Variants in MARCHF1 observed in about 807,000 individuals in gnomAD.
MARCHF1 encodes the protein E3 ubiquitin-protein ligase MARCHF1.
MARCHF1 carries 40 observed loss-of-function variants against 54.2 expected under a neutral mutation model. The ratio of observed to expected loss-of-function variants is 0.74; its 90% CI spans 0.57 to 0.96. MARCHF1 has a LOEUF of 0.96. MARCHF1 is among the 40% of genes least tolerant of loss of function. MARCHF1 has a pLI of 0.00. For missense variants in MARCHF1, 586 were observed against 656.5 expected (o/e 0.89, Z 1.17); for synonymous variants, 236 against 236.3 (o/e 1.00, Z 0.01).
chr4:164,325,009 A>G (rs1237118164), intron 1 of MARCHF1, among the ~76,000 whole-genome samples: 3 of 152,016 alleles, frequency 2.0e-5, no homozygotes, highest in African/African-American at 7.2e-5. Context: ...TAAAGGAAAA[A>G]AAGAATATCG....
intron 4 of MARCHF1, among the ~76,000 whole-genome samples, chr4:163,804,969 T>C (rs181955235): frequency 2.6e-5 from 4 of 152,324 alleles, no homozygotes; most frequent in East Asian, 1.9e-4. Flanking sequence ...AATAAAGTTA[T>C]GTACTCCTAA....
At position 163,789,473 on chromosome 4, in the gene MARCHF1, C is replaced by G. The variant is rs182510094; in HGVS notation, c.111+64548G>C. Among the ~76,000 whole-genome samples the G allele has an allele frequency of 3.8e-4, 57 of 151,954 alleles. No individual in the cohort carries two copies. In the East Asian group the frequency reaches 0.011, roughly 29 times the overall value. Reference sequence around the variant, plus strand: ...GACACACATTTACCTATGTAACAACCTGCACTTGCACCCCTGAACTTAAAA... The same window carrying G: ...GACACACATTTACCTATGTAACAACGTGCACTTGCACCCCTGAACTTAAAA... On this transcript the variant is annotated intron_variant, in intron 4 of 9. Coordinates refer to ENST00000514618, the MANE Select transcript of MARCHF1 (RefSeq NM_001394959.1).
rs543516118 is a variant in MARCHF1, at chr4:164,077,938, G to A, written c.-248+33650C>T. ...ATACTTTTACACTGTTGGTGGGAGT[G>A]TAAAGTAGTTCAACCATTGTGGAAG... On this transcript the variant is annotated intron_variant, in intron 2 of 9. Coordinates refer to ENST00000514618, the MANE Select transcript of MARCHF1 (RefSeq NM_001394959.1). 2.6e-5 allele frequency among the ~76,000 whole-genome samples: 4 copies of A among 152,350 alleles called. No individual in the cohort carries two copies. The South Asian group carries it at 6.2e-4, about 24-fold the overall frequency.
At chr4:163,727,889 G>A (rs1329542046) in intron 4 of MARCHF1, among the ~76,000 whole-genome samples, 1 of 151,914 alleles carries the variant, frequency 6.6e-6, no homozygotes, top group Admixed American at 6.6e-5. Context: ...GTTTCACCAT[G>A]TTATCCAGGC....
At chr4:164,253,558 A>G (rs1733184963) in intron 1 of MARCHF1, among the ~76,000 whole-genome samples, 1 of 152,148 alleles carries the variant, frequency 6.6e-6, no homozygotes, top group African/African-American at 2.4e-5. Flanking sequence ...TAGTATACTC[A>G]GTTTATTGGT....
intron 2 of MARCHF1, among the ~76,000 whole-genome samples, chr4:164,088,488 A>G (rs2111127315): frequency 6.6e-6 from 1 of 152,310 alleles, no homozygotes; most frequent in East Asian, 1.9e-4. Context: ...CTGTAGTCCT[A>G]GTGCTTTGGG....
At chr4:164,311,057 T>C (rs1186619496) in intron 1 of MARCHF1, among the ~76,000 whole-genome samples, 2 of 152,180 alleles carry the variant, frequency 1.3e-5, no homozygotes, top group African/African-American at 2.4e-5. Context: ...ACCATTCTAA[T>C]AGCACTCTAA....
intron 1 of MARCHF1, among the ~76,000 whole-genome samples, chr4:164,227,232 C>T (rs1264228049): frequency 1.3e-5 from 2 of 151,982 alleles, no homozygotes; most frequent in Non-Finnish European, 2.9e-5. Flanking sequence ...CACAGGGCAG[C>T]AGGAGAAAGA....
intron 1 of MARCHF1, among the ~76,000 whole-genome samples, chr4:164,177,009 T>TATATATATATATACAC (rs1553989397): frequency 9.0e-5 from 5 of 55,574 alleles, no homozygotes; most frequent in Admixed American, 2.0e-4. Context: ...TATATATATA[T>TATATATATATATACAC]ACAAATGATA....
intron 4 of MARCHF1, among the ~76,000 whole-genome samples, chr4:163,750,369 G>C (rs1746484985): frequency 1.3e-5 from 2 of 151,798 alleles, no homozygotes. Flanking sequence ...AAATTAGCCA[G>C]GTGTGGTGGC....
chr4:164,028,520 A>G (rs1417361167), intron 2 of MARCHF1, among the ~76,000 whole-genome samples: 2 of 152,194 alleles, frequency 1.3e-5, no homozygotes, highest in African/African-American at 4.8e-5. Flanking sequence ...TAGCTAAACA[A>G]TGGTTACACA....
At chr4:164,278,667 A>G (rs1733946520) in intron 1 of MARCHF1, among the ~76,000 whole-genome samples, 1 of 152,170 alleles carries the variant, frequency 6.6e-6, no homozygotes, top group South Asian at 2.1e-4. Context: ...GTATCTGAGT[A>G]GCAGCAAAGT....
chr4:164,107,231 A>G (rs1337822964), intron 2 of MARCHF1, among the ~76,000 whole-genome samples: 1 of 152,168 alleles, frequency 6.6e-6, no homozygotes, highest in African/African-American at 2.4e-5. Context: ...TTTGACTCAC[A>G]GTATACATTT....
At chr4:163,929,949 T>TA (rs1303969917) in intron 3 of MARCHF1, among the ~76,000 whole-genome samples, 86 of 36,458 alleles carry the variant, frequency 2.4e-3, no homozygotes, top group African/African-American at 0.011. Context: ...ATTTATATTA[T>TA]ATATATTATA....
chr4:164,187,060 T>A (rs1406846632), intron 1 of MARCHF1, among the ~76,000 whole-genome samples: 1 of 152,158 alleles, frequency 6.6e-6, no homozygotes, highest in Non-Finnish European at 1.5e-5. Flanking sequence ...CACATAATCT[T>A]CTGATCTTGC....
At chr4:163,580,082 T>TTTA (rs1369704312) in intron 8 of MARCHF1, among the ~76,000 whole-genome samples, 10 of 151,238 alleles carry the variant, frequency 6.6e-5, no homozygotes, top group Non-Finnish European at 1.5e-4. Flanking sequence ...TATTTATTTA[T>TTTA]TTATTTATTT....
intron 2 of MARCHF1, among the ~76,000 whole-genome samples, chr4:164,076,280 C>T (rs1275655499): frequency 2.0e-5 from 3 of 151,952 alleles, no homozygotes; most frequent in Non-Finnish European, 2.9e-5. Context: ...CTTTGAAATA[C>T]ACAAAATATT....
intron 4 of MARCHF1, among the ~76,000 whole-genome samples, chr4:163,802,479 T>C (rs946458182): frequency 1.1e-4 from 17 of 152,242 alleles, no homozygotes; most frequent in Admixed American, 4.6e-4. Context: ...TTTAGATTAC[T>C]ATGGCTGTTT....
intron 3 of MARCHF1, among the ~76,000 whole-genome samples, chr4:163,942,129 C>A (rs1751924157): frequency 6.6e-6 from 1 of 152,098 alleles, no homozygotes; most frequent in Non-Finnish European, 1.5e-5. Context: ...CTTCATATTC[C>A]ATCTTCCATA....
Sources: gnomAD v4.1 joint callset for allele counts (sites outside exome capture counted in the v4.1 genomes callset) on GRCh38, gnomAD v4.1.1 for gene constraint, MANE v1.5 for transcripts, NCBI Gene and HGNC (gene_info 2026-07-23, HGNC 2026-07-21) for gene names.